Variants in CIMAP1A observed in about 807,000 individuals in gnomAD.
CIMAP1A encodes the protein ciliary microtubule associated protein 1A.
chr11:198,152 G>A, the CIMAP1A span: 2 of 1,592,532 alleles, frequency 1.3e-6, no homozygotes, highest in Admixed American at 3.5e-5. Flanking sequence ...AAACTGGGCT[G>A]CATACCCACC....
the CIMAP1A span, chr11:199,252 G>A: frequency 2.0e-6 from 3 of 1,489,792 alleles, no homozygotes; most frequent in Non-Finnish European, 2.7e-6. Flanking sequence ...GGACCTTGAT[G>A]CACGGGCACC....
the CIMAP1A span, chr11:199,613 GAAACA>G: frequency 6.0e-6 from 7 of 1,158,354 alleles, no homozygotes; most frequent in South Asian, 1.6e-5. Flanking sequence ...CAGACGAGGG[GAAACA>G]GGGTCAGGCT....
chr11:197,385 A>T, the CIMAP1A span: 2 of 1,600,636 alleles, frequency 1.2e-6, no homozygotes, highest in Non-Finnish European at 1.7e-6. Flanking sequence ...GCAGCCCTGG[A>T]CCCAAGTACC....
At chr11:198,267 C>T in the CIMAP1A span, 5 of 1,614,046 alleles carry the variant, frequency 3.1e-6, no homozygotes, top group Admixed American at 1.7e-5. Flanking sequence ...CATCTCTGCC[C>T]GGACAAAGGC....
At chr11:199,920 C>G in the CIMAP1A span, 1 of 1,613,156 alleles carries the variant, frequency 6.2e-7, no homozygotes, top group Non-Finnish European at 8.5e-7. Flanking sequence ...GTGCTGGTTC[C>G]TATCATAGCC....
At chr11:197,389 A>C in the CIMAP1A span, 1 of 1,601,294 alleles carries the variant, frequency 6.2e-7, no homozygotes, top group Non-Finnish European at 8.5e-7. Context: ...CCCTGGACCC[A>C]AGTACCTGAT....
the CIMAP1A span, chr11:197,223 T>A: frequency 1.1e-6 from 1 of 937,940 alleles, no homozygotes; most frequent in East Asian, 2.7e-5. Flanking sequence ...AAGAGCAGGG[T>A]CGGGGACATC....
the CIMAP1A span, chr11:197,350 C>T: frequency 7.8e-5 from 124 of 1,596,270 alleles, 2 homozygotes; most frequent in South Asian, 6.2e-4. Flanking sequence ...CCATCGCCCC[C>T]GGGGACCCAT....
At chr11:198,990 G>C in the CIMAP1A span, 1 of 1,184,000 alleles carries the variant, frequency 8.4e-7, no homozygotes, top group African/African-American at 1.6e-5. Context: ...GAGAGCTTGA[G>C]GGGCCTGAGA....
chr11:197,490 C>T, the CIMAP1A span: 3 of 1,594,508 alleles, frequency 1.9e-6, no homozygotes, highest in Non-Finnish European at 2.6e-6. Flanking sequence ...GCCTGGGGCT[C>T]AATCCCTGAC....
At chr11:199,006 A>T in the CIMAP1A span, 1 of 1,189,300 alleles carries the variant, frequency 8.4e-7, no homozygotes, top group Non-Finnish European at 1.0e-6. Context: ...TGAGATGGGG[A>T]AGCAGCATCA....
chr11:199,531 G>A, the CIMAP1A span: 2 of 1,548,914 alleles, frequency 1.3e-6, no homozygotes, highest in Non-Finnish European at 1.7e-6. Context: ...GCACAGCTCA[G>A]AGGGGTCAGG....
chr11:197,617 G>A, the CIMAP1A span: 2 of 1,613,460 alleles, frequency 1.2e-6, no homozygotes, highest in Non-Finnish European at 1.7e-6. Flanking sequence ...CTTCCGTGGG[G>A]CCCCCATGCT....
the CIMAP1A span, chr11:197,913 C>T: frequency 7.4e-5 from 110 of 1,493,774 alleles, 2 homozygotes; most frequent in South Asian, 1.3e-3. Context: ...GGGTCACCAT[C>T]GTGCCTGGGC....
chr11:199,097 A>G, the CIMAP1A span: 1 of 1,325,016 alleles, frequency 7.5e-7, no homozygotes, highest in Non-Finnish European at 9.7e-7. Flanking sequence ...AGCCTCTCTC[A>G]CACACGCTCA....
chr11:198,224 C>G, the CIMAP1A span: 1 of 1,613,970 alleles, frequency 6.2e-7, no homozygotes, highest in African/African-American at 1.3e-5. Flanking sequence ...AGAAATCCAC[C>G]AAGTACGTGT....
At chr11:198,585 G>A in the CIMAP1A span, 4 of 1,605,452 alleles carry the variant, frequency 2.5e-6, no homozygotes, top group Non-Finnish European at 3.4e-6. Flanking sequence ...ACCTACACAA[G>A]GCAAGGGCCA....
the CIMAP1A span, chr11:199,210 G>A: frequency 6.9e-7 from 1 of 1,447,648 alleles, no homozygotes; most frequent in Non-Finnish European, 9.1e-7. Flanking sequence ...GCAGTGGGGT[G>A]TGATCTCCAC....
chr11:199,761 C>A, the CIMAP1A span: 2 of 1,438,088 alleles, frequency 1.4e-6, no homozygotes, highest in Non-Finnish European at 1.8e-6. Flanking sequence ...AGAGACCCTG[C>A]CCTTTTCCCT....
Sources: allele counts gnomAD v4.1 joint callset, GRCh38; gene constraint gnomAD v4.1.1; transcripts MANE v1.5; gene names NCBI Gene and HGNC (gene_info 2026-07-23, HGNC 2026-07-21).